The following PHRF1 variants were observed in gnomAD, a reference collection of about 807,000 sequenced individuals.
PHRF1 encodes the protein PHD and RING finger domain-containing protein 1.
Under a neutral mutation model 128.9 loss-of-function variants are expected in PHRF1, and 53 were observed. That is an observed-to-expected ratio of 0.41 (90% confidence interval 0.33 to 0.52). The LOEUF is 0.52. Among genes scored for constraint, PHRF1 ranks in the 20% least tolerant of loss-of-function variants. The probability of loss-of-function intolerance (pLI) is 0.21; values close to 1 mark genes in which losing one functional copy is unlikely to be tolerated. For synonymous variants in PHRF1, 1,178 were observed against 980.6 expected (o/e 1.20, Z -3.76); for missense variants, 2,503 against 2,284.5 (o/e 1.10, Z -1.95).
chr11:609,497 C>T lies in PHRF1; in HGVS notation c.4041C>T (p.Leu1347=). The T allele has an allele frequency of 1.2e-6, 2 of 1,604,224 alleles. No individual in the cohort carries two copies. Among genetic ancestry groups the T allele is most frequent in the East Asian group, 2.2e-5 (1 of 44,804 alleles). Residue 1347 remains leucine, a synonymous_variant, in exon 14 of 18, where the codon CTC becomes CTT. Coordinates refer to ENST00000264555, the MANE Select transcript of PHRF1 (RefSeq NM_001286581.2). ...AGGGCACCCAGGAGCCACATTTGCT[C>T]AGGCCGGACGCGGCTGAGAAGGCTG... ...LPEGTQEPHL[L]RPDAAEKAEA...
chr11:599,253 CTTTTT>C (rs754658303), intron 9 of PHRF1, among the ~76,000 whole-genome samples: 1 of 104,978 alleles, frequency 9.5e-6, no homozygotes, highest in African/African-American at 3.9e-5. Flanking sequence ...TTTTTCTTTT[CTTTTT>C]TTTTTTTTTT....
rs377188736 is a variant in PHRF1, at chr11:608,090, C to T, written c.2634C>T (p.Cys878=). 6.1e-5 allele frequency: 99 copies of T among 1,611,596 alleles called. No homozygotes were observed. Among genetic ancestry groups the T allele is most frequent in the South Asian group, 2.7e-4 (25 of 91,090 alleles). ...PKAQTVQAVR[C]VTSYTVESIF... is the part of the protein sequence containing the mutation. The stretch of plus-strand genomic sequence containing the variant: ...CCCAGACGGTGCAGGCTGTGCGCTG[C>T]GTCACCTCCTACACGGTGGAGAGCA... Residue 878 remains cysteine (C), a synonymous_variant, in exon 14 of 18, where the codon TGC becomes TGT. Transcript: ENST00000264555.
rs951381952 is a variant in PHRF1, at chr11:595,565, G to A, written c.621-1358G>A. 2.0e-5 allele frequency among the ~76,000 whole-genome samples: 3 copies of A among 152,288 alleles called. No individual in the cohort carries two copies. In the East Asian group the frequency reaches 5.8e-4, roughly 29 times the overall value. On this transcript the variant is annotated intron_variant, in intron 6 of 17. Transcript: ENST00000264555. ...GGGTGCCTGCACCGTAGCTGGGCAG[G>A]TCTCGGCAGCCCTCCTTGTCCCCGT...
Position 609,366 on chromosome 11 carries a change from C to T in PHRF1, c.3910C>T (p.Pro1304Ser), listed in dbSNP as rs182522052. ...STDSSPERDF[P>S]LKPALPPASL... Reference sequence around the variant, plus strand: ...AGACTCTTCCCCGGAGCGAGACTTCCCACTGAAGCCTGCGTTGCCCCCAGC... The same window carrying T: ...AGACTCTTCCCCGGAGCGAGACTTCTCACTGAAGCCTGCGTTGCCCCCAGC... The change falls in exon 14 of 18, where the codon CCA becomes TCA. Residue 1304 changes from proline to serine, a missense_variant. Coordinates refer to ENST00000264555, the MANE Select transcript of PHRF1 (RefSeq NM_001286581.2). 6 of 1,612,142 alleles carry T rather than the reference C, an allele frequency of 3.7e-6. No homozygotes were observed. The African/African-American group carries it at 6.7e-5, about 18-fold the overall frequency.
rs764184450 is a variant in PHRF1 at position 605,170 on chromosome 11, C to T, written c.1204C>T (p.Pro402Ser). The change falls in exon 11 of 18, where the codon CCT becomes TCT. Residue 402 changes from proline (P) to serine (S), a missense_variant. By Grantham distance (74) the Pro-to-Ser change is moderately conservative. Transcript: ENST00000264555. ...RIARTLGLRR[P>S]VHSSCIPSVL... is the part of the protein sequence containing the mutation. The stretch of plus-strand genomic sequence containing the variant: ...CGCGCGGACGCTGGGCCTGCGCAGG[C>T]CTGTTCACAGCAGCTGCATCCCGTC... 1 of 1,613,588 alleles carries T rather than the reference C, an allele frequency of 6.2e-7. No homozygotes were observed. Among genetic ancestry groups the T allele is most frequent in the Non-Finnish European group, 8.5e-7 (1 of 1,179,866 alleles).
chr11:590,615 C>G lies in PHRF1; in HGVS notation c.421-769C>G, dbSNP rs866581916. Among the ~76,000 whole-genome samples the G allele has an allele frequency of 4.6e-5, 7 of 152,248 alleles. No homozygotes were observed. In the South Asian group the frequency reaches 1.0e-3, roughly 23 times the overall value. On this transcript the variant is annotated intron_variant, in intron 4 of 17. Transcript: ENST00000264555. Reference sequence around the variant, plus strand: ...TTGTGTATGGTGTACCTTAATAAAGCCAACATAAAGATCTTATGTGGGTCA... The same window carrying G: ...TTGTGTATGGTGTACCTTAATAAAGGCAACATAAAGATCTTATGTGGGTCA...
At chr11:598,316 G>C in intron 8 of PHRF1, 57 bp from the exon 9 acceptor site, 3 of 1,579,816 alleles carry the variant, frequency 1.9e-6, no homozygotes, top group Non-Finnish European at 2.6e-6. Flanking sequence ...TTTGGGGTCT[G>C]TGCTGGACCG....
chr11:578,330 C>T (rs1182570471), intron 1 of PHRF1, among the ~76,000 whole-genome samples: 1 of 152,226 alleles, frequency 6.6e-6, no homozygotes, highest in African/African-American at 2.4e-5. Context: ...GTAACCTGAA[C>T]GTTCCTGCTG....
intron 1 of PHRF1, among the ~76,000 whole-genome samples, chr11:577,894 C>T (rs1441251348): frequency 5.9e-5 from 9 of 152,382 alleles, no homozygotes; most frequent in Middle Eastern, 3.4e-3. Context: ...GAGAAATAGC[C>T]TTTCCAGTTT....
At chr11:606,657 C>T (rs1387923673) in intron 13 of PHRF1, 61 bp downstream of exon 13, 4 of 1,522,722 alleles carry the variant, frequency 2.6e-6, no homozygotes, top group Non-Finnish European at 2.6e-6. Context: ...AGGCTGTTCG[C>T]AAGCACTCAG....
chr11:588,530 C>T (rs988470462), intron 4 of PHRF1, among the ~76,000 whole-genome samples: 6 of 152,038 alleles, frequency 3.9e-5, no homozygotes, highest in African/African-American at 1.4e-4. Context: ...TAGGTGCCCA[C>T]CACCACGCCA....
intron 3 of PHRF1, among the ~76,000 whole-genome samples, chr11:583,387 C>T (rs562192869): frequency 5.2e-4 from 79 of 152,042 alleles, no homozygotes; most frequent in African/African-American, 1.9e-3. Flanking sequence ...CGTGGTGGTG[C>T]GTGCCTGTAA....
chr11:579,909 G>A (rs535221898), intron 1 of PHRF1, among the ~76,000 whole-genome samples: 3 of 152,296 alleles, frequency 2.0e-5, no homozygotes, highest in East Asian at 1.9e-4. Context: ...TCTGAGCCCC[G>A]TTAGGGTTTG....
Position 581,958 on chromosome 11 carries a change from C to T in PHRF1, c.95-4C>T. On this transcript the variant is annotated splice_region_variant and splice_polypyrimidine_tract_variant and intron_variant, in intron 2 of 17. Transcript: ENST00000264555. ...TGCGGCCTGTGTCTCACCCTGGTGT[C>T]TAGAAGAAAGCAGCGTGGGCAGCAG... The T allele has an allele frequency of 6.3e-7, 1 of 1,591,368 alleles. No homozygotes were observed.
intron 10 of PHRF1, among the ~76,000 whole-genome samples, chr11:602,373 C>T (rs1463950754): frequency 3.3e-5 from 5 of 152,160 alleles, no homozygotes; most frequent in Non-Finnish European, 7.3e-5. Flanking sequence ...ATTTAAAACA[C>T]CTTAATATGT....
chr11:612,043 A>G lies in PHRF1; in HGVS notation c.*266A>G, dbSNP rs1266194513. 3 of 508,284 alleles carry G rather than the reference A, an allele frequency of 5.9e-6. No homozygotes were observed. Among genetic ancestry groups the G allele is most frequent in the African/African-American group, 5.8e-5 (3 of 51,704 alleles). 31.5% of individuals were successfully genotyped at this position (508,284 alleles called of 1,614,324 possible). On this transcript the variant is annotated 3_prime_UTR_variant, in exon 18 of 18. Coordinates refer to ENST00000264555, the MANE Select transcript of PHRF1 (RefSeq NM_001286581.2). ...CTGTTTCCATTCTAATTTATCAAAAATGGATTATCTTTAGAAACCTCTTGA... is the reference window on the plus strand; with the variant it reads ...CTGTTTCCATTCTAATTTATCAAAAGTGGATTATCTTTAGAAACCTCTTGA...
rs751121356 is a variant in PHRF1, at chr11:609,714, G to T, written c.4258G>T (p.Ala1420Ser). The T allele has an allele frequency of 2.4e-5, 35 of 1,488,288 alleles. No individual in the cohort carries two copies. The highest frequency in any genetic ancestry group is 3.0e-5 in the Non-Finnish European group (34 of 1,123,834). 92.2% of individuals were successfully genotyped at this position (1,488,288 alleles called of 1,614,324 possible). Residue 1420 changes from alanine to serine, a missense_variant, in exon 14 of 18, where the codon GCC becomes TCC. Ala to Ser is a moderately conservative substitution (Grantham distance 99). Coordinates refer to ENST00000264555, the MANE Select transcript of PHRF1 (RefSeq NM_001286581.2). ...GAGCAGCGCCCCCGCCGAGGACAGAGCCCCCCGTGAGTAGTGCCCCGGCCC... is the reference window on the plus strand; with the variant it reads ...GAGCAGCGCCCCCGCCGAGGACAGATCCCCCCGTGAGTAGTGCCCCGGCCC... ...SESSAPAEDR[A>S]PRAPLHRPQK... is the part of the protein sequence containing the mutation.
At position 610,559 on chromosome 11, in the gene PHRF1, C is replaced by A; in HGVS notation, c.4475C>A (p.Ala1492Glu). The A allele has an allele frequency of 6.2e-7, 1 of 1,606,236 alleles. No individual in the cohort carries two copies. The highest frequency in any genetic ancestry group is 8.5e-7 in the Non-Finnish European group (1 of 1,179,732). The change falls in exon 16 of 18, where the codon GCA (alanine) becomes GAA (glutamate). Residue 1492 changes from alanine to glutamate, a missense_variant. Transcript: ENST00000264555. ...CAGCCCTCAAGCATCCCACCCTGCG[C>A]ACTGGTCAGCCAGCCCACGGTCCAG... ...PAQPSSIPPC[A>E]LVSQPTVQFI...
rs953001881 is a variant in PHRF1 at position 611,889 on chromosome 11, G to C, written c.*112G>C. The stretch of plus-strand genomic sequence containing the variant: ...GAATCGGGGCCATGCCCGGGGAGCT[G>C]TCGGGAGTGGCGGGAAATGGGGGGC... On this transcript the variant is annotated 3_prime_UTR_variant, in exon 18 of 18. Transcript: ENST00000264555. The C allele has an allele frequency of 6.8e-7, 1 of 1,463,708 alleles. No individual in the cohort carries two copies. Among genetic ancestry groups the C allele is most frequent in the Admixed American group, 2.3e-5 (1 of 42,752 alleles). The allele number at this position is 1,463,708 out of a possible 1,614,324, so 90.7% of individuals were successfully genotyped here.
Sources: allele counts gnomAD v4.1 joint callset (sites outside exome capture counted in the v4.1 genomes callset), GRCh38; gene constraint gnomAD v4.1.1; transcripts MANE v1.5; gene names NCBI Gene and HGNC (gene_info 2026-07-23, HGNC 2026-07-21).